Variants in TLL2 observed in about 807,000 individuals in gnomAD.
The protein encoded by TLL2 is tolloid like 2.
Under a neutral mutation model 123.0 loss-of-function variants are expected in TLL2, and 106 were observed. That is an observed-to-expected ratio of 0.86 (90% CI 0.74 to 1.01). The LOEUF is 1.01. TLL2 is among the 50% of genes least tolerant of loss of function. The pLI, the probability that TLL2 is intolerant of heterozygous loss-of-function variation, is 0.00. For synonymous variants in TLL2, 494 were observed against 516.8 expected (o/e 0.96, Z 0.60); for missense variants, 1,332 against 1,336.7 (o/e 1.00, Z 0.06).
At chr10:96,452,966 C>T (rs756333072) in intron 2 of TLL2, among the ~76,000 whole-genome samples, 13 of 152,108 alleles carry the variant, frequency 8.5e-5, no homozygotes, top group Non-Finnish European at 1.8e-4. Context: ...CTTTTATATC[C>T]GTGCCAAATT....
At chr10:96,501,086 C>A (rs1474857446) in intron 1 of TLL2, among the ~76,000 whole-genome samples, 1 of 152,134 alleles carries the variant, frequency 6.6e-6, no homozygotes, top group African/African-American at 2.4e-5. Context: ...GAATATCATA[C>A]AACAGAATGT....
chr10:96,507,884 G>A (rs1554942402), intron 1 of TLL2, among the ~76,000 whole-genome samples: 1 of 152,172 alleles, frequency 6.6e-6, no homozygotes, highest in Non-Finnish European at 1.5e-5. Flanking sequence ...AAACAAAAAA[G>A]ACAAACATTT....
chr10:96,455,346 C>T (rs1234962367), intron 2 of TLL2, among the ~76,000 whole-genome samples: 1 of 152,104 alleles, frequency 6.6e-6, no homozygotes, highest in Non-Finnish European at 1.5e-5. Flanking sequence ...AGCTGATTGG[C>T]CAAGATACAC....
chr10:96,373,473 G>C (rs552270476), intron 19 of TLL2, 123 bp downstream of exon 19: 2 of 888,530 alleles, frequency 2.3e-6, no homozygotes, highest in Non-Finnish European at 3.5e-6. Context: ...ATTTTATCAC[G>C]CACCTTCCTC....
chr10:96,476,953 C>A (rs1847263475), intron 2 of TLL2, among the ~76,000 whole-genome samples: 1 of 149,904 alleles, frequency 6.7e-6, no homozygotes, highest in South Asian at 2.1e-4. Flanking sequence ...ATCCAGCAAA[C>A]TGGTAATGCC....
At chr10:96,500,127 G>A (rs112167843) in intron 1 of TLL2, among the ~76,000 whole-genome samples, 320 of 86,528 alleles carry the variant, frequency 3.7e-3, no homozygotes, top group Middle Eastern at 0.019. Context: ...AAAAGAAAAA[G>A]AAAAAAAAAT....
chr10:96,508,340 G>T (rs1847596164), intron 1 of TLL2, among the ~76,000 whole-genome samples: 1 of 152,176 alleles, frequency 6.6e-6, no homozygotes, highest in Non-Finnish European at 1.5e-5. Flanking sequence ...GGCTCTTGGT[G>T]AGCCCCAAAA....
chr10:96,397,126 G>T, intron 11 of TLL2, 60 bp downstream of exon 11: 1 of 1,470,818 alleles, frequency 6.8e-7, no homozygotes, highest in Non-Finnish European at 9.4e-7. Context: ...ACAGTGGGCT[G>T]CCTGGGAAGG....
chr10:96,506,806 A>G (rs373153164), intron 1 of TLL2, among the ~76,000 whole-genome samples: 1 of 151,930 alleles, frequency 6.6e-6, no homozygotes, highest in Non-Finnish European at 1.5e-5. Context: ...TCACTACACT[A>G]CTGGGCGGGA....
chr10:96,491,449 C>T (rs1847412518), intron 1 of TLL2, among the ~76,000 whole-genome samples: 1 of 151,960 alleles, frequency 6.6e-6, no homozygotes, highest in Admixed American at 6.6e-5. Flanking sequence ...CCCTCAGCTC[C>T]AGTCTTGACT....
chr10:96,481,337 C>T (rs942447124), intron 1 of TLL2, among the ~76,000 whole-genome samples: 2 of 152,080 alleles, frequency 1.3e-5, no homozygotes, highest in African/African-American at 2.4e-5. Flanking sequence ...TTTGTACAGA[C>T]AGGGTCTCGC....
At chr10:96,453,437 T>C (rs1846981275) in intron 2 of TLL2, among the ~76,000 whole-genome samples, 1 of 151,990 alleles carries the variant, frequency 6.6e-6, no homozygotes, top group Non-Finnish European at 1.5e-5. Context: ...GCCTGGATGA[T>C]GAAATGAGAC....
rs577410035 is a variant in TLL2 at position 96,395,232 on chromosome 10, C to T, written c.1681G>A (p.Asp561Asn). The T allele has an allele frequency of 2.6e-5, 42 of 1,612,652 alleles. 1 individual carries two copies. The Admixed American group carries it at 3.5e-4, about 14-fold the overall frequency. ...SNRLWMKFVS[D>N]GSINKAGFAA... ...AAGCCCGCTTTATTGATAGAGCCAT[C>T]GGACACAAACTTCATCCACAGTCTG... Residue 561 changes from aspartate to asparagine, a missense_variant, in exon 13 of 21, where the codon GAT becomes AAT. Transcript: ENST00000357947.
intron 7 of TLL2, among the ~76,000 whole-genome samples, chr10:96,414,101 G>C (rs994109072): frequency 3.3e-5 from 5 of 152,190 alleles, no homozygotes; most frequent in Non-Finnish European, 7.3e-5. Flanking sequence ...CAGGTTGCCA[G>C]CTGAGCGCTG....
In TLL2 at chr10:96,367,739, C is replaced by T. The variant is rs538905057; in HGVS notation, c.*349G>A. 5 of 200,894 alleles carry T rather than the reference C, an allele frequency of 2.5e-5. No individual in the cohort carries two copies. Among genetic ancestry groups the T allele is most frequent in the African/African-American group, 4.6e-5 (2 of 43,668 alleles). 12.4% of individuals were successfully genotyped at this position (200,894 alleles called of 1,614,324 possible). A position where few individuals can be genotyped will look rare whatever the true frequency, so the allele number is the denominator to read the frequency against. Reference sequence around the variant, plus strand: ...TGCAAGCAAGTCCAGATTAGAGGAACGGCCAACCCCAAGGCTGACCTTTTG... The same window carrying T: ...TGCAAGCAAGTCCAGATTAGAGGAATGGCCAACCCCAAGGCTGACCTTTTG... On this transcript the variant is annotated 3_prime_UTR_variant, in exon 21 of 21. Coordinates refer to ENST00000357947, the MANE Select transcript of TLL2 (RefSeq NM_012465.4).
At chr10:96,427,304 G>T (rs1846687046) in intron 5 of TLL2, among the ~76,000 whole-genome samples, 1 of 152,130 alleles carries the variant, frequency 6.6e-6, no homozygotes, top group South Asian at 2.1e-4. Flanking sequence ...GTGTTATGAG[G>T]TTATAGAATC....
At chr10:96,510,690 G>T (rs1335998610) in intron 1 of TLL2, among the ~76,000 whole-genome samples, 1 of 152,140 alleles carries the variant, frequency 6.6e-6, no homozygotes, top group East Asian at 1.9e-4. Context: ...TGGTAAAAAT[G>T]GTATTAAAAA....
chr10:96,445,635 C>T (rs1846891342), intron 3 of TLL2, among the ~76,000 whole-genome samples: 1 of 152,220 alleles, frequency 6.6e-6, no homozygotes, highest in Non-Finnish European at 1.5e-5. Context: ...ATTTGCCCCT[C>T]CCAGGTCTTC....
At chr10:96,463,702 C>T (rs1847102911) in intron 2 of TLL2, among the ~76,000 whole-genome samples, 1 of 152,204 alleles carries the variant, frequency 6.6e-6, no homozygotes, top group Non-Finnish European at 1.5e-5. Flanking sequence ...AGCTCCAGCT[C>T]CCTTGGGACC....
Sources: allele counts gnomAD v4.1 joint callset (sites outside exome capture counted in the v4.1 genomes callset), GRCh38; gene constraint gnomAD v4.1.1; transcripts MANE v1.5; gene names NCBI Gene and HGNC (gene_info 2026-07-23, HGNC 2026-07-21).